Variants in ZFPM1 observed in about 807,000 individuals in gnomAD.
The protein encoded by ZFPM1 is zinc finger protein ZFPM1.
Under a neutral mutation model 46.3 loss-of-function variants are expected in ZFPM1, and 28 were observed. The ratio of observed to expected loss-of-function variants is 0.60; its 90% CI spans 0.45 to 0.83. The LOEUF (loss-of-function observed/expected upper bound fraction) is 0.83, where lower values mean the gene tolerates loss of function less well. Among genes scored for constraint, ZFPM1 ranks in the 40% least tolerant of loss-of-function variants. The pLI is 0.00. For synonymous variants in ZFPM1, 957 were observed against 675.9 expected, an observed-to-expected ratio of 1.42 and a Z score of -6.45; for missense variants, 1,878 against 1,432.4, an observed-to-expected ratio of 1.31 and a Z score of -5.02.
rs574012089 is a variant in ZFPM1, at chr16:88,521,109, G to C, written c.403-5705G>C. Among the ~76,000 whole-genome samples the C allele has an allele frequency of 7.2e-5, 11 of 151,846 alleles. No homozygotes were observed. In the South Asian group the frequency reaches 2.3e-3, roughly 32 times the overall value. On this transcript the variant is annotated intron_variant, in intron 4 of 9. Transcript: ENST00000319555. ...TAGGTGGGTGGGTGGATGATGGACA[G>C]GTGGATGGATGCATGGATGGATGGA...
intron 4 of ZFPM1, chr16:88,516,036 C>A: frequency 2.5e-6 from 1 of 398,006 alleles, no homozygotes; most frequent in South Asian, 1.3e-4. Flanking sequence ...TCTGTGAGTT[C>A]CAGACACACC....
At position 88,497,821 on chromosome 16, in the gene ZFPM1, C is replaced by T. The variant is rs537784774; in HGVS notation, c.268+8668C>T. On this transcript the variant is annotated intron_variant, in intron 3 of 9. Coordinates refer to ENST00000319555, the MANE Select transcript of ZFPM1 (RefSeq NM_153813.3). This position sits in a 1 kb window ranked among gnomAD's most constrained non-coding sequence, Gnocchi z 5.4. ...TCCTCACCCGAGTGTGTGAGGGCGTCGGGCTGGTTATCTGGGCCGAGCTCC... is the reference window on the plus strand; with the variant it reads ...TCCTCACCCGAGTGTGTGAGGGCGTTGGGCTGGTTATCTGGGCCGAGCTCC... Among the ~76,000 whole-genome samples, 1 of 152,172 alleles carries T rather than the reference C, an allele frequency of 6.6e-6. No homozygotes were observed. The highest frequency in any genetic ancestry group is 2.4e-5 in the African/African-American group (1 of 41,454).
intron 2 of ZFPM1, among the ~76,000 whole-genome samples, chr16:88,487,099 G>A (rs1428846261): frequency 6.6e-6 from 1 of 152,196 alleles, no homozygotes; most frequent in African/African-American, 2.4e-5. Context: ...GCCCTCCCAG[G>A]AGACAGTTAA....
At chr16:88,520,547 AGGAT>A (rs369543826) in intron 4 of ZFPM1, among the ~76,000 whole-genome samples, 6,234 of 107,702 alleles carry the variant, frequency 0.058, 227 homozygotes, top group East Asian at 0.1. Context: ...GGTGGCTGAA[AGGAT>A]GGATGGATGG....
chr16:88,489,630 G>A (rs1352153107), intron 3 of ZFPM1, among the ~76,000 whole-genome samples: 1 of 152,218 alleles, frequency 6.6e-6, no homozygotes, highest in Non-Finnish European at 1.5e-5. Flanking sequence ...GCAGCCTATG[G>A]GGACGGAGTC....
intron 6 of ZFPM1, among the ~76,000 whole-genome samples, chr16:88,529,519 A>G (rs564381364): frequency 1.3e-5 from 2 of 152,330 alleles, no homozygotes; most frequent in Admixed American, 6.5e-5. Flanking sequence ...GTGTCCTGAC[A>G]TCAAGACACC....
At chr16:88,502,540 G>A (rs1162562620) in intron 3 of ZFPM1, among the ~76,000 whole-genome samples, 1 of 152,202 alleles carries the variant, frequency 6.6e-6, no homozygotes, top group African/African-American at 2.4e-5. Context: ...TGTAGGTCTT[G>A]GGCTTGTCCC....
intron 1 of ZFPM1, among the ~76,000 whole-genome samples, chr16:88,459,517 C>G (rs1345746098): frequency 2.0e-5 from 3 of 151,022 alleles, no homozygotes; most frequent in Non-Finnish European, 3.0e-5. Flanking sequence ...AACCCTCTCC[C>G]CCTCCTACCC....
At chr16:88,494,862 C>G (rs1909846201) in intron 3 of ZFPM1, among the ~76,000 whole-genome samples, 1 of 152,118 alleles carries the variant, frequency 6.6e-6, no homozygotes, top group Non-Finnish European at 1.5e-5. Flanking sequence ...GCCTGGACTC[C>G]CTCCTCCTCC....
chr16:88,497,011 G>A lies in ZFPM1; in HGVS notation c.268+7858G>A, dbSNP rs933877922. ...CCAGGCCTGCCCCTGCCCAGGAGCCGCACACACCTGCTCCTGGCTCGCTCC... is the reference window on the plus strand; with the variant it reads ...CCAGGCCTGCCCCTGCCCAGGAGCCACACACACCTGCTCCTGGCTCGCTCC... On this transcript the variant is annotated intron_variant, in intron 3 of 9. Transcript: ENST00000319555. The surrounding 1 kb of genome is among the most constrained non-coding windows in gnomAD (Gnocchi z 5.4). Among the ~76,000 whole-genome samples the A allele has an allele frequency of 6.6e-6, 1 of 152,180 alleles. No individual in the cohort carries two copies. The highest frequency in any genetic ancestry group is 2.4e-5 in the African/African-American group (1 of 41,434).
Position 88,534,263 on chromosome 16 carries a change from C to T in ZFPM1, c.2305C>T (p.Pro769Ser), listed in dbSNP as rs1913084436. ...CGGCCACGCCCCCGCGCCCGAGTCG[C>T]CGCGGCCCGGAAGCGGAAGCGGAAG... ...PPGHAPAPES[P>S]RPGSGSGSGP... The change falls in exon 10 of 10, where the codon CCG becomes TCG. Residue 769 changes from proline to serine, a missense_variant. Physicochemically the swap from Pro to Ser is moderately conservative, Grantham distance 74. Coordinates refer to ENST00000319555, the MANE Select transcript of ZFPM1 (RefSeq NM_153813.3). 16 of 1,089,356 alleles carry T rather than the reference C, an allele frequency of 1.5e-5. No individual in the cohort carries two copies. Among genetic ancestry groups the T allele is most frequent in the Non-Finnish European group, 1.8e-5 (16 of 900,886 alleles). 67.5% of individuals were successfully genotyped at this position (1,089,356 alleles called of 1,614,324 possible). A position where few individuals can be genotyped will look rare whatever the true frequency, so the allele number is the denominator to read the frequency against.
chr16:88,454,850 G>A (rs1907466298), intron 1 of ZFPM1, among the ~76,000 whole-genome samples: 1 of 152,128 alleles, frequency 6.6e-6, no homozygotes, highest in Non-Finnish European at 1.5e-5. Context: ...CCAGCCGTAG[G>A]CGCCCGGGCA....
chr16:88,519,399 G>A (rs1187305600), intron 4 of ZFPM1, among the ~76,000 whole-genome samples: 1 of 151,124 alleles, frequency 6.6e-6, no homozygotes, highest in Non-Finnish European at 1.5e-5. Context: ...ATGGATAAGT[G>A]AGTGGGTGAA....
At chr16:88,489,293 A>T in intron 3 of ZFPM1, 140 bp downstream of exon 3, 1 of 1,315,756 alleles carries the variant, frequency 7.6e-7, no homozygotes, top group Non-Finnish European at 1.0e-6. Context: ...GCCTAGTCCA[A>T]AGCTCAGCCA....
chr16:88,529,778 C>T (rs1912638572), intron 6 of ZFPM1, among the ~76,000 whole-genome samples: 1 of 152,176 alleles, frequency 6.6e-6, no homozygotes, highest in South Asian at 2.1e-4. Context: ...TGACCCTGAC[C>T]GAGGCCGCTC....
At chr16:88,477,121 A>T (rs1908725374) in intron 1 of ZFPM1, among the ~76,000 whole-genome samples, 1 of 152,214 alleles carries the variant, frequency 6.6e-6, no homozygotes, top group Non-Finnish European at 1.5e-5. Context: ...CCATGAGGAA[A>T]TTGGAACATG....
At chr16:88,524,573 C>T (rs948536116) in intron 4 of ZFPM1, among the ~76,000 whole-genome samples, 47 of 152,262 alleles carry the variant, frequency 3.1e-4, no homozygotes, top group Non-Finnish European at 6.5e-4. Flanking sequence ...GACGGCACCC[C>T]ATGCCCACTT....
intron 3 of ZFPM1, among the ~76,000 whole-genome samples, chr16:88,489,686 A>G (rs927951928): frequency 6.6e-6 from 1 of 152,118 alleles, no homozygotes; most frequent in African/African-American, 2.4e-5. Flanking sequence ...TGTGTCCTAG[A>G]GGGTGGTTTG....
In ZFPM1 at chr16:88,497,877, C is replaced by T. The variant is rs991833856; in HGVS notation, c.268+8724C>T. On this transcript the variant is annotated intron_variant, in intron 3 of 9. Transcript: ENST00000319555. This position sits in a 1 kb window ranked among gnomAD's most constrained non-coding sequence, Gnocchi z 5.4. ...ACTAATCTCGCCGGCGGAGCGTCTA[C>T]GCAAACCTCAAGGCCTGCTATCGGG... Among the ~76,000 whole-genome samples, 13 of 152,218 alleles carry T rather than the reference C, an allele frequency of 8.5e-5. No individual in the cohort carries two copies. The highest frequency in any genetic ancestry group is 1.2e-4 in the Non-Finnish European group (8 of 68,028).
Sources: allele counts gnomAD v4.1 joint callset (sites outside exome capture counted in the v4.1 genomes callset), GRCh38; gene constraint gnomAD v4.1.1; non-coding constraint Gnocchi (gnomAD v3.1); transcripts MANE v1.5; gene names NCBI Gene and HGNC (gene_info 2026-07-23, HGNC 2026-07-21).